Variants in ADIPOR1 observed in about 807,000 individuals in gnomAD.
ADIPOR1 encodes the protein adiponectin receptor 1, also known as adiponectin receptor protein 1.
ADIPOR1 carries 15 observed loss-of-function variants against 37.5 expected under a neutral mutation model. The ratio of observed to expected loss-of-function variants is 0.40; its 90% CI spans 0.27 to 0.62. The LOEUF is 0.62. Ranked by LOEUF, ADIPOR1 falls within the 20% of genes least tolerant of loss-of-function variation. ADIPOR1 has a pLI of 0.42. For missense variants in ADIPOR1, 286 were observed against 478.0 expected (o/e 0.60, Z 3.75); for synonymous variants, 173 against 173.2 (o/e 1.00, Z 0.01).
intron 2 of ADIPOR1, among the ~76,000 whole-genome samples, chr1:202,949,596 A>C (rs1297657101): frequency 6.6e-6 from 1 of 150,712 alleles, no homozygotes; most frequent in African/African-American, 2.4e-5. Flanking sequence ...AAAAAAAAAA[A>C]ACACACCCAG....
At chr1:202,946,826 A>C (rs1480905191) in intron 3 of ADIPOR1, among the ~76,000 whole-genome samples, 1 of 152,016 alleles carries the variant, frequency 6.6e-6, no homozygotes, top group Non-Finnish European at 1.5e-5. Flanking sequence ...AAAAAAAAAA[A>C]AATCCTGGCT....
chr1:202,950,961 TTCTCTTCTAGCAGGGG>T lies in ADIPOR1; in HGVS notation c.94_109del (p.Pro32ArgfsTer5). The T allele has an allele frequency of 6.2e-7, 1 of 1,614,204 alleles. No individual in the cohort carries two copies. Among genetic ancestry groups the T allele is most frequent in the Non-Finnish European group, 8.5e-7 (1 of 1,180,042 alleles). On this transcript the variant is annotated frameshift_variant, in exon 2 of 8. Coordinates refer to ENST00000340990, the MANE Select transcript of ADIPOR1 (RefSeq NM_015999.6). LOFTEE classifies it high-confidence loss of function. ...TGGGTTGGCGATTACCCGTTTGCCC[TTCTCTTCTAGCAGGGG>T]TCCCAGTTCAGCCAGTTCCACCGTG...
At chr1:202,955,682 G>A (rs35668790) in intron 1 of ADIPOR1, among the ~76,000 whole-genome samples, 25,893 of 151,814 alleles carry the variant, frequency 0.17, 2,542 homozygotes, top group Admixed American at 0.22. Context: ...ATAGCTTACT[G>A]CAGCCTATAC....
Position 202,942,988 on chromosome 1 carries a change from C to A in ADIPOR1, c.805+770G>T, listed in dbSNP as rs147393991. ...GGTTCAAGTGATTCTCCCGCCTCAG[C>A]CTCTCAAGTAGCTGGAATTACAGGC... On this transcript the variant is annotated intron_variant, in intron 6 of 7. Coordinates refer to ENST00000340990, the MANE Select transcript of ADIPOR1 (RefSeq NM_015999.6). Among the ~76,000 whole-genome samples the A allele has an allele frequency of 3.2e-3, 484 of 151,752 alleles. 4 individuals are homozygous for A. The highest frequency in any genetic ancestry group is 0.011 in the African/African-American group (435 of 41,384).
chr1:202,954,369 A>G (rs1654698068), intron 1 of ADIPOR1: 1 of 152,226 alleles, frequency 6.6e-6, no homozygotes. Context: ...AAGAAAGAAG[A>G]GCAAATAATA....
At chr1:202,949,471 T>A (rs1479490946) in intron 2 of ADIPOR1, among the ~76,000 whole-genome samples, 2 of 150,306 alleles carry the variant, frequency 1.3e-5, no homozygotes, top group Admixed American at 6.6e-5. Flanking sequence ...TCCCAGCTAC[T>A]CGGGAGGCTG....
At chr1:202,946,288 A>G in intron 4 of ADIPOR1, 151 bp downstream of exon 4, 2 of 891,230 alleles carry the variant, frequency 2.2e-6, no homozygotes, top group South Asian at 1.7e-5. Context: ...TCAGTGATCA[A>G]GGGTCAACCA....
chr1:202,941,385 T>A lies in ADIPOR1; in HGVS notation c.*188A>T. On this transcript the variant is annotated 3_prime_UTR_variant, in exon 8 of 8. Transcript: ENST00000340990. The stretch of plus-strand genomic sequence containing the variant: ...AGTTTGACCATGCCCCATCCCCAGC[T>A]AGGAGAATGGAAATGGAAAGTTTAT... 1 of 586,774 alleles carries A rather than the reference T, an allele frequency of 1.7e-6. No individual in the cohort carries two copies. Among genetic ancestry groups the A allele is most frequent in the Non-Finnish European group, 2.7e-6 (1 of 374,470 alleles). 36.3% of individuals were successfully genotyped at this position (586,774 alleles called of 1,614,324 possible).
intron 6 of ADIPOR1, among the ~76,000 whole-genome samples, chr1:202,942,538 A>G (rs970728767): frequency 2.6e-5 from 4 of 152,248 alleles, no homozygotes; most frequent in African/African-American, 9.6e-5. Context: ...TACAGAACTT[A>G]GATGTCAAGG....
chr1:202,945,010 G>T lies in ADIPOR1; in HGVS notation c.590C>A (p.Ser197Ter). ...SWLFHTVYCH[S>*]EKVSRTFSKL... is the part of the protein sequence containing the mutation. ...GGAAAAAGTCCGAGAGACTTTCTCT[G>T]AATGACAATAGACGGTGTGAAAGAG... The change falls in exon 5 of 8, where the codon TCA becomes TAA. Residue 197 changes from serine (S) to a stop codon, truncating the protein, a stop_gained. Transcript: ENST00000340990. LOFTEE classifies it high-confidence loss of function. The T allele has an allele frequency of 6.2e-7, 1 of 1,611,390 alleles. No homozygotes were observed.
intron 1 of ADIPOR1, among the ~76,000 whole-genome samples, chr1:202,952,691 T>G (rs551819971): frequency 6.6e-6 from 1 of 152,316 alleles, no homozygotes; most frequent in Admixed American, 6.5e-5. Context: ...AGCCTTAAAC[T>G]GAACCAGTTA....
chr1:202,954,030 C>T (rs1654684219), intron 1 of ADIPOR1, among the ~76,000 whole-genome samples: 1 of 152,184 alleles, frequency 6.6e-6, no homozygotes, highest in South Asian at 2.1e-4. Context: ...AGTCTTCTGG[C>T]TATCATCAAA....
intron 2 of ADIPOR1, among the ~76,000 whole-genome samples, chr1:202,949,596 A>AC (rs1402836158): frequency 7.3e-5 from 11 of 150,830 alleles, no homozygotes; most frequent in South Asian, 6.3e-4. Context: ...AAAAAAAAAA[A>AC]ACACACCCAG....
At chr1:202,949,407 T>A (rs370089322) in intron 2 of ADIPOR1, among the ~76,000 whole-genome samples, 2 of 151,014 alleles carry the variant, frequency 1.3e-5, no homozygotes, top group African/African-American at 4.9e-5. Flanking sequence ...GGTGAAACCC[T>A]GTCTCTACTA....
intron 1 of ADIPOR1, among the ~76,000 whole-genome samples, chr1:202,951,735 C>T (rs774213572): frequency 4.6e-5 from 7 of 152,162 alleles, no homozygotes; most frequent in African/African-American, 1.2e-4. Context: ...AATTTCTCTG[C>T]GAAGTCTACT....
intron 3 of ADIPOR1, among the ~76,000 whole-genome samples, chr1:202,947,522 A>ATAT (rs1553243096): frequency 1.2e-3 from 179 of 150,778 alleles, no homozygotes; most frequent in African/African-American, 4.0e-3. Context: ...GTCTCAAAAA[A>ATAT]ATATATATAT....
rs1233446303 is a variant in ADIPOR1 at position 202,942,099 on chromosome 1, T to A, written c.925A>T (p.Met309Leu). 1 of 1,614,118 alleles carries A rather than the reference T, an allele frequency of 6.2e-7. No individual in the cohort carries two copies. Among genetic ancestry groups the A allele is most frequent in the East Asian group, 2.2e-5 (1 of 44,880 alleles). ...TAAAGGCCAGCTCCAGTGATGTACA[T>A]CACAGCCATGAGGAAGAACCAGCCC... ...QMGWFFLMAV[M>L]YITGAGLYAA... Residue 309 changes from methionine to leucine, a missense_variant, in exon 7 of 8, where the codon ATG (methionine) becomes TTG (leucine). Physicochemically the swap from Met to Leu is conservative, Grantham distance 15. Transcript: ENST00000340990.
rs761553587 is a variant in ADIPOR1, at chr1:202,951,002, G to A, written c.69C>T (p.Asp23=). 3 of 1,614,180 alleles carry A rather than the reference G, an allele frequency of 1.9e-6. No homozygotes were observed. The highest frequency in any genetic ancestry group is 2.5e-6 in the Non-Finnish European group (3 of 1,180,034). The change falls in exon 2 of 8, where the codon GAC becomes GAT. Residue 23 remains aspartate, a synonymous_variant. Transcript: ENST00000340990. ...GTCCCAGTTCAGCCAGTTCCACCGT[G>A]TCAGCTTCCCTGTTACTGGCAGGAG... is the stretch of plus-strand genomic sequence containing the variant. The part of the protein sequence containing the change: ...NGAPASNREA[D]TVELAELGPL...
intron 5 of ADIPOR1, 148 bp downstream of exon 5, chr1:202,944,835 C>T: frequency 1.4e-6 from 1 of 707,232 alleles, no homozygotes; most frequent in Non-Finnish European, 2.3e-6. Context: ...CTTCATCACC[C>T]CACTATCGCC....
Sources: allele counts gnomAD v4.1 joint callset (sites outside exome capture counted in the v4.1 genomes callset), GRCh38; gene constraint gnomAD v4.1.1; transcripts MANE v1.5; gene names NCBI Gene and HGNC (gene_info 2026-07-23, HGNC 2026-07-21).